The following SLC71A1 variants were observed in gnomAD, a reference collection of about 807,000 sequenced individuals.
SLC71A1 encodes hippocampus abundant gene transcript 1.
chr1:100,057,601 G>A, the SLC71A1 span, among the ~76,000 whole-genome samples: 18 of 151,954 alleles, frequency 1.2e-4, no homozygotes, highest in Non-Finnish European at 2.2e-4. Context: ...TGATCCATCC[G>A]CCTCTTCCTT....
chr1:100,052,968 G>A, the SLC71A1 span, among the ~76,000 whole-genome samples: 2 of 151,830 alleles, frequency 1.3e-5, no homozygotes, highest in South Asian at 4.2e-4. Flanking sequence ...ATTTTTAATA[G>A]AGACGGGGTT....
the SLC71A1 span, chr1:100,038,109 C>T: frequency 7.1e-5 from 57 of 802,022 alleles, no homozygotes; most frequent in Admixed American, 4.8e-4. Flanking sequence ...GCAGGCCGGG[C>T]CCTCAAGATG....
chr1:100,041,057 A>G, the SLC71A1 span, among the ~76,000 whole-genome samples: 1 of 152,186 alleles, frequency 6.6e-6, no homozygotes, highest in African/African-American at 2.4e-5. Context: ...TTGTCCTGCT[A>G]ATGACATATA....
chr1:100,058,105 AT>A, the SLC71A1 span: 1 of 152,218 alleles, frequency 6.6e-6, no homozygotes, highest in Non-Finnish European at 1.5e-5. Context: ...ATACCACATG[AT>A]TTGAGAACAA....
chr1:100,080,268 A>AC, the SLC71A1 span: 1 of 358,790 alleles, frequency 2.8e-6, no homozygotes, highest in African/African-American at 2.1e-5. Flanking sequence ...TCTATGTGAG[A>AC]CCTATATATG....
the SLC71A1 span, chr1:100,061,993 C>G: frequency 7.0e-6 from 8 of 1,143,120 alleles, no homozygotes; most frequent in African/African-American, 1.2e-4. Flanking sequence ...CTGAGAAATG[C>G]CTTGTTTTTA....
the SLC71A1 span, among the ~76,000 whole-genome samples, chr1:100,058,350 C>G: frequency 6.6e-6 from 1 of 152,200 alleles, no homozygotes; most frequent in Non-Finnish European, 1.5e-5. Context: ...CTCTTAGGTT[C>G]AGCTTCAGCT....
chr1:100,039,588 C>G, the SLC71A1 span, among the ~76,000 whole-genome samples: 1 of 152,124 alleles, frequency 6.6e-6, no homozygotes, highest in South Asian at 2.1e-4. Flanking sequence ...TTAATTAAAA[C>G]ATTACTTTGA....
At chr1:100,066,188 C>T in the SLC71A1 span, among the ~76,000 whole-genome samples, 2 of 152,170 alleles carry the variant, frequency 1.3e-5, no homozygotes, top group Non-Finnish European at 2.9e-5. Context: ...CCTAACCCTG[C>T]CAACTAAAAA....
the SLC71A1 span, among the ~76,000 whole-genome samples, chr1:100,039,809 C>T: frequency 6.6e-6 from 1 of 152,154 alleles, no homozygotes. Flanking sequence ...AAGAATGAAA[C>T]TGATTAAGAA....
At chr1:100,046,212 G>GTGT in the SLC71A1 span, among the ~76,000 whole-genome samples, 1 of 54,078 alleles carries the variant, frequency 1.8e-5, no homozygotes, top group East Asian at 8.1e-4. Flanking sequence ...TCCAAGCCTC[G>GTGT]TTTTTTTTTT....
At chr1:100,052,354 A>G in the SLC71A1 span, among the ~76,000 whole-genome samples, 7 of 152,008 alleles carry the variant, frequency 4.6e-5, no homozygotes, top group African/African-American at 1.7e-4. Flanking sequence ...TTTAAGAACA[A>G]GGAAGGAGTC....
the SLC71A1 span, among the ~76,000 whole-genome samples, chr1:100,043,625 TG>T: frequency 4.6e-5 from 7 of 151,764 alleles, no homozygotes; most frequent in Admixed American, 3.9e-4. Context: ...GTTACATAGA[TG>T]TTTTTTAGTG....
At chr1:100,046,583 A>G in the SLC71A1 span, among the ~76,000 whole-genome samples, 4 of 152,128 alleles carry the variant, frequency 2.6e-5, no homozygotes, top group African/African-American at 9.7e-5. Flanking sequence ...TTGTGGTTCC[A>G]TATAAGTTTT....
chr1:100,070,190 C>T, the SLC71A1 span, among the ~76,000 whole-genome samples: 11 of 152,208 alleles, frequency 7.2e-5, no homozygotes, highest in Non-Finnish European at 1.3e-4. Flanking sequence ...GTCTTAAGGG[C>T]ACAGGGGGCA....
the SLC71A1 span, chr1:100,080,625 G>C: frequency 6.2e-7 from 1 of 1,614,014 alleles, no homozygotes; most frequent in Non-Finnish European, 8.5e-7. Flanking sequence ...ACAGACTTGG[G>C]AACAAACACA....
chr1:100,076,529 A>G, the SLC71A1 span, among the ~76,000 whole-genome samples: 3 of 152,226 alleles, frequency 2.0e-5, no homozygotes, highest in Non-Finnish European at 4.4e-5. Flanking sequence ...TCCCATGACA[A>G]GGTTTTGAAA....
chr1:100,078,313 C>G, the SLC71A1 span: 12 of 584,440 alleles, frequency 2.1e-5, no homozygotes, highest in South Asian at 1.2e-4. Flanking sequence ...GCGACTTGCC[C>G]ATAGTCACCT....
At chr1:100,071,194 T>C in the SLC71A1 span, among the ~76,000 whole-genome samples, 1 of 150,264 alleles carries the variant, frequency 6.7e-6, no homozygotes, top group Non-Finnish European at 1.5e-5. Context: ...GGTTCATGTC[T>C]GTATTCCCAG....
Sources: gnomAD v4.1 joint callset for allele counts (sites outside exome capture counted in the v4.1 genomes callset) on GRCh38, gnomAD v4.1.1 for gene constraint, MANE v1.5 for transcripts, NCBI Gene and HGNC (gene_info 2026-07-23, HGNC 2026-07-21) for gene names.